The following DLG1 variants were observed in gnomAD, a reference collection of about 807,000 sequenced individuals.
DLG1 encodes discs large MAGUK scaffold protein 1, also known as disks large homolog 1.
Under a neutral mutation model 123.4 loss-of-function variants are expected in DLG1, and 42 were observed. The ratio of observed to expected loss-of-function variants is 0.34; its 90% CI spans 0.27 to 0.44. The LOEUF is 0.44. Ranked by LOEUF, DLG1 falls within the 20% of genes least tolerant of loss-of-function variation. The pLI, the probability that DLG1 is intolerant of heterozygous loss-of-function variation, is 1.00. For missense variants in DLG1, 942 were observed against 1,082.6 expected (o/e 0.87, Z 1.82); for synonymous variants, 317 against 356.2 (o/e 0.89, Z 1.24).
At chr3:197,116,808 T>C (rs532988822) in intron 12 of DLG1, among the ~76,000 whole-genome samples, 1 of 152,294 alleles carries the variant, frequency 6.6e-6, no homozygotes, top group East Asian at 1.9e-4. Flanking sequence ...AAGGTTGCTA[T>C]ACCAACCTTG....
intron 3 of DLG1, among the ~76,000 whole-genome samples, chr3:197,291,658 C>T (rs770587310): frequency 3.3e-5 from 5 of 152,188 alleles, no homozygotes; most frequent in African/African-American, 9.7e-5. Flanking sequence ...CAATGGTTGA[C>T]GGTGAGAAGT....
chr3:197,136,834 CA>C, intron 9 of DLG1, among the ~76,000 whole-genome samples, 156 bp from the exon 10 acceptor site: 1 of 152,204 alleles, frequency 6.6e-6, no homozygotes, highest in Admixed American at 6.5e-5. Flanking sequence ...GTTCTGCAAT[CA>C]AGGGACACTT....
chr3:197,221,542 A>G (rs1737053917), intron 4 of DLG1, among the ~76,000 whole-genome samples: 1 of 152,126 alleles, frequency 6.6e-6, no homozygotes, highest in Non-Finnish European at 1.5e-5. Context: ...AAAGGAAAAA[A>G]AAAAAAGAAA....
At chr3:197,208,700 T>C (rs1460273600) in intron 4 of DLG1, among the ~76,000 whole-genome samples, 3 of 142,728 alleles carry the variant, frequency 2.1e-5, no homozygotes, top group African/African-American at 7.4e-5. Flanking sequence ...GTGGGGGTAG[T>C]TGGGGGGATA....
intron 4 of DLG1, among the ~76,000 whole-genome samples, chr3:197,221,105 C>T (rs981287125): frequency 3.3e-5 from 5 of 152,108 alleles, no homozygotes; most frequent in Non-Finnish European, 5.9e-5. Context: ...CCTTACATAC[C>T]ACATACCATA....
intron 23 of DLG1, among the ~76,000 whole-genome samples, chr3:197,058,176 C>A (rs565116952): frequency 6.6e-6 from 1 of 152,128 alleles, no homozygotes; most frequent in African/African-American, 2.4e-5. Flanking sequence ...GACAGAGTCT[C>A]ACCATGTTGC....
chr3:197,151,179 T>C lies in DLG1; in HGVS notation c.484-1383A>G, dbSNP rs145334123. On this transcript the variant is annotated intron_variant, in intron 5 of 24. Transcript: ENST00000667157. ...TTGCTAAAAAAATTAATAATACAAC[T>C]TCACTTTATTCTGCTTAAGCAATTA... 4.4e-3 allele frequency among the ~76,000 whole-genome samples: 663 copies of C among 152,278 alleles called. 5 individuals are homozygous for C. The highest frequency in any genetic ancestry group is 0.018 in the South Asian group (86 of 4,830).
chr3:197,134,472 C>CAA (rs11319273), intron 10 of DLG1, among the ~76,000 whole-genome samples: 75 of 96,530 alleles, frequency 7.8e-4, no homozygotes, highest in African/African-American at 2.2e-3. Context: ...TTCATAATAC[C>CAA]AAAAAAAAAA....
At chr3:197,153,459 C>G (rs1794924850) in intron 5 of DLG1, among the ~76,000 whole-genome samples, 1 of 152,194 alleles carries the variant, frequency 6.6e-6, no homozygotes, top group Non-Finnish European at 1.5e-5. Flanking sequence ...TGTGTACCGC[C>G]TGCACAAGCC....
chr3:197,268,387 T>C (rs1560084818), intron 4 of DLG1, among the ~76,000 whole-genome samples: 1 of 152,192 alleles, frequency 6.6e-6, no homozygotes, highest in African/African-American at 2.4e-5. Context: ...AGCTTTTTTT[T>C]TGGCATAATA....
chr3:197,066,644 C>T, intron 20 of DLG1, 60 bp downstream of exon 20: 11 of 1,322,314 alleles, frequency 8.3e-6, no homozygotes, highest in South Asian at 7.4e-5. Context: ...AATTTTTTTC[C>T]CCCAAATTAA....
At chr3:197,233,253 T>C (rs969052504) in intron 4 of DLG1, among the ~76,000 whole-genome samples, 1 of 152,182 alleles carries the variant, frequency 6.6e-6, no homozygotes, top group Non-Finnish European at 1.5e-5. Context: ...ACACTGAAAG[T>C]TATAAACGCA....
intron 22 of DLG1, among the ~76,000 whole-genome samples, chr3:197,064,596 C>T (rs1333511532): frequency 2.2e-5 from 3 of 138,570 alleles, no homozygotes; most frequent in East Asian, 3.9e-4. Flanking sequence ...ATCTTTTGTC[C>T]ACTGTTTTTT....
At chr3:197,054,126 T>C (rs1024317914) in intron 23 of DLG1, among the ~76,000 whole-genome samples, 2 of 152,104 alleles carry the variant, frequency 1.3e-5, no homozygotes, top group Admixed American at 1.3e-4. Flanking sequence ...CAGTGACTGA[T>C]AATCTTATTG....
chr3:197,120,275 A>G lies in DLG1; in HGVS notation c.1166-745T>C, dbSNP rs1170309129. ...GTGAGATGCCCTGTCTCGAGAAAGA[A>G]AAAAAAAAAAAAAAAAGCAAAAACC... On this transcript the variant is annotated intron_variant, in intron 11 of 24. Transcript: ENST00000667157. 4.6e-4 allele frequency among the ~76,000 whole-genome samples: 6 copies of G among 12,908 alleles called. No homozygotes were observed. In the East Asian group the frequency reaches 0.019, roughly 42 times the overall value. 8.5% of individuals were successfully genotyped at this position (12,908 alleles called of 152,430 possible).
chr3:197,213,867 G>A (rs889298453), intron 4 of DLG1, among the ~76,000 whole-genome samples: 1 of 152,154 alleles, frequency 6.6e-6, no homozygotes, highest in Non-Finnish European at 1.5e-5. Context: ...CAGGGTACTA[G>A]TAATTATAAT....
In DLG1 at chr3:197,212,018, C is replaced by CT. The variant is rs1478721295; in HGVS notation, c.319-17430dup. Among the ~76,000 whole-genome samples the CT allele has an allele frequency of 1.4e-5, 2 of 146,356 alleles. 1 individual carries two copies. Among genetic ancestry groups the CT allele is most frequent in the Non-Finnish European group, 3.1e-5 (2 of 65,262 alleles). On this transcript the variant is annotated intron_variant, in intron 4 of 24. Transcript: ENST00000667157. The stretch of plus-strand genomic sequence containing the variant: ...GAAAACCAAATACTGAATGTTCTCA[C>CT]TTATAAGTGGGAACTAAACGATGAG...
At chr3:197,094,753 T>C (rs997804574) in intron 14 of DLG1, among the ~76,000 whole-genome samples, 1 of 152,208 alleles carries the variant, frequency 6.6e-6, no homozygotes, top group Admixed American at 6.5e-5. Flanking sequence ...TATCACTCTA[T>C]TTGTTGATAT....
At chr3:197,065,160 A>G in intron 22 of DLG1, 116 bp downstream of exon 22, 1 of 968,398 alleles carries the variant, frequency 1.0e-6, no homozygotes, top group African/African-American at 1.7e-5. Context: ...TATTTAGGTA[A>G]GCAAATTCAT....
Sources: allele counts gnomAD v4.1 joint callset (sites outside exome capture counted in the v4.1 genomes callset), GRCh38; gene constraint gnomAD v4.1.1; transcripts MANE v1.5; gene names NCBI Gene and HGNC (gene_info 2026-07-23, HGNC 2026-07-21).